DPY19L2: variants seen among roughly 807,000 people sequenced by gnomAD.
The protein encoded by DPY19L2 is probable C-mannosyltransferase DPY19L2.
In DPY19L2, 34 loss-of-function variants were observed where a neutral mutation model predicts 97.9. The ratio of observed to expected loss-of-function variants is 0.35; its 90% CI spans 0.26 to 0.46. The LOEUF (loss-of-function observed/expected upper bound fraction) is 0.46. DPY19L2 is among the 20% of genes least tolerant of loss of function. DPY19L2 has a pLI of 1.00. For synonymous variants in DPY19L2, 230 were observed against 307.9 expected, an observed-to-expected ratio of 0.75 and a Z score of 2.65; for missense variants, 623 against 911.4, an observed-to-expected ratio of 0.68 and a Z score of 4.07.
intron 16 of DPY19L2, among the ~76,000 whole-genome samples, chr12:63,591,960 AG>A (rs1565728106): frequency 9.4e-6 from 1 of 106,078 alleles, no homozygotes; most frequent in African/African-American, 4.0e-5. Flanking sequence ...AGAAAAGAAA[AG>A]AAAAGAAAAG....
chr12:63,594,205 A>T, intron 15 of DPY19L2, 72 bp from the exon 16 acceptor site: 3 of 1,121,966 alleles, frequency 2.7e-6, no homozygotes, highest in Non-Finnish European at 3.8e-6. Context: ...TGATTCATTA[A>T]TATAAACACT....
At chr12:63,590,535 C>T (rs1344670440) in intron 16 of DPY19L2, among the ~76,000 whole-genome samples, 13 of 151,874 alleles carry the variant, frequency 8.6e-5, no homozygotes, top group Admixed American at 7.2e-4. Flanking sequence ...AAGGCAGTCA[C>T]GCATGATGGT....
rs1249109729 is a variant in DPY19L2, at chr12:63,668,131, G to A, written c.263C>T (p.Ser88Phe). ...CACCTTTTCCCGGAGCTGCGCCAGG[G>A]AATTACGGACGAACTGGAAGGGGCC... ...LLGPFQFVRN[S>F]LAQLREKVQE... Residue 88 changes from serine to phenylalanine, a missense_variant, in exon 1 of 22, where the codon TCC becomes TTC. Around this residue, in one of 6 missense-constraint regions of DPY19L2, gnomAD observed 144 missense variants for 119.4 expected, o/e 1.21. Transcript: ENST00000324472. 1.2e-6 allele frequency: 2 copies of A among 1,614,040 alleles called. No individual in the cohort carries two copies. The highest frequency in any genetic ancestry group is 1.3e-5 in the African/African-American group (1 of 75,012).
At chr12:63,602,462 C>A (rs901343937) in intron 12 of DPY19L2, among the ~76,000 whole-genome samples, 3 of 152,038 alleles carry the variant, frequency 2.0e-5, no homozygotes, top group African/African-American at 7.2e-5. Context: ...AAGAAAACCA[C>A]AGCAATGAAT....
At chr12:63,567,983 G>C (rs1878073387) in intron 21 of DPY19L2, among the ~76,000 whole-genome samples, 2 of 151,954 alleles carry the variant, frequency 1.3e-5, no homozygotes, top group South Asian at 2.1e-4. Context: ...GCTTCACTCA[G>C]TTGGATTTGT....
chr12:63,660,336 T>C (rs1465002810), intron 4 of DPY19L2, among the ~76,000 whole-genome samples: 2 of 151,748 alleles, frequency 1.3e-5, no homozygotes, highest in Non-Finnish European at 2.9e-5. Context: ...TAAAGAAATA[T>C]ATATATACAG....
intron 4 of DPY19L2, among the ~76,000 whole-genome samples, chr12:63,652,128 A>C (rs1379669969): frequency 3.9e-5 from 6 of 152,214 alleles, no homozygotes; most frequent in Non-Finnish European, 7.3e-5. Flanking sequence ...GGTGAAGGAC[A>C]TAAACACAAA....
At chr12:63,600,263 C>T in intron 13 of DPY19L2, 43 bp downstream of exon 13, 4 of 1,492,678 alleles carry the variant, frequency 2.7e-6, no homozygotes, top group South Asian at 1.1e-5. Context: ...CATTCAGCTA[C>T]ATATTTATAA....
At chr12:63,632,348 A>AT (rs1212567796) in intron 6 of DPY19L2, among the ~76,000 whole-genome samples, 1 of 152,212 alleles carries the variant, frequency 6.6e-6, no homozygotes, top group African/African-American at 2.4e-5. Flanking sequence ...CCTTAAGCTG[A>AT]TAGGCAACTT....
chr12:63,656,685 T>G (rs1016540167), intron 4 of DPY19L2, among the ~76,000 whole-genome samples: 5 of 152,142 alleles, frequency 3.3e-5, no homozygotes, highest in African/African-American at 1.2e-4. Context: ...TATGCATATA[T>G]TAGAATATTT....
intron 4 of DPY19L2, among the ~76,000 whole-genome samples, chr12:63,649,596 T>C (rs1033207492): frequency 2.4e-4 from 36 of 152,080 alleles, no homozygotes; most frequent in Admixed American, 1.3e-4. Flanking sequence ...GCTAAATTCC[T>C]GGAAATATAT....
intron 6 of DPY19L2, among the ~76,000 whole-genome samples, chr12:63,639,288 G>T (rs1892289238): frequency 6.6e-6 from 1 of 152,010 alleles, no homozygotes; most frequent in South Asian, 2.1e-4. Context: ...CATAGGCATG[G>T]GCAAGGACTT....
intron 19 of DPY19L2, among the ~76,000 whole-genome samples, chr12:63,580,337 A>G (rs1342088806): frequency 2.0e-5 from 3 of 152,132 alleles, no homozygotes; most frequent in African/African-American, 7.2e-5. Context: ...TTGATTTGTC[A>G]TTGTTATGGT....
intron 4 of DPY19L2, among the ~76,000 whole-genome samples, chr12:63,658,203 A>G (rs1398028011): frequency 6.6e-6 from 1 of 151,926 alleles, no homozygotes; most frequent in Non-Finnish European, 1.5e-5. Context: ...TATTACAAAT[A>G]TTTTCTCCTG....
At position 63,631,176 on chromosome 12, in the gene DPY19L2, A is replaced by T. The variant is rs1890560463; in HGVS notation, c.804-4650T>A. ...AAAAGAACTAGAGAAGCAAGAGCAA[A>T]CACATTCAAAAGCTAGCAGAAAGCA... On this transcript the variant is annotated intron_variant, in intron 6 of 21. Coordinates refer to ENST00000324472, the MANE Select transcript of DPY19L2 (RefSeq NM_173812.5). Among the ~76,000 whole-genome samples the T allele has an allele frequency of 1.3e-5, 2 of 152,152 alleles. 1 individual carries two copies. The highest frequency in any genetic ancestry group is 4.1e-4 in the South Asian group (2 of 4,832).
rs564678127 is a variant in DPY19L2, at chr12:63,610,777, T to C, written c.1219-2102A>G. Among the ~76,000 whole-genome samples the C allele has an allele frequency of 3.7e-5, 5 of 134,226 alleles. No individual in the cohort carries two copies. The South Asian group carries it at 1.2e-3, about 32-fold the overall frequency. The allele number at this position is 134,226 out of a possible 152,430, so 88.1% of individuals were successfully genotyped here. Reference sequence around the variant, plus strand: ...ACATTTTATGAGGCCAGCATTACTCTGATACCAAATCCAGAAAAAGATACT... The same window carrying C: ...ACATTTTATGAGGCCAGCATTACTCCGATACCAAATCCAGAAAAAGATACT... On this transcript the variant is annotated intron_variant, in intron 11 of 21. Transcript: ENST00000324472.
In DPY19L2 at chr12:63,568,847, T is replaced by G. The variant is rs190167742; in HGVS notation, c.2126+377A>C. Among the ~76,000 whole-genome samples the G allele has an allele frequency of 6.4e-3, 972 of 152,176 alleles. 15 individuals are homozygous for G. Among genetic ancestry groups the G allele is most frequent in the African/African-American group, 0.021 (893 of 41,540 alleles). ...CATTTTGGGTTTTGTCACTTTTCTTTTAAGTCTTACAAATCCAATATAATT... is the reference window on the plus strand; with the variant it reads ...CATTTTGGGTTTTGTCACTTTTCTTGTAAGTCTTACAAATCCAATATAATT... On this transcript the variant is annotated intron_variant, in intron 21 of 21. Transcript: ENST00000324472.
At chr12:63,650,620 A>T (rs957851153) in intron 4 of DPY19L2, among the ~76,000 whole-genome samples, 1 of 152,204 alleles carries the variant, frequency 6.6e-6, no homozygotes, top group Non-Finnish European at 1.5e-5. Flanking sequence ...ATACCTAGGA[A>T]TACAGCTAAT....
intron 8 of DPY19L2, among the ~76,000 whole-genome samples, chr12:63,621,674 A>G (rs1197167907): frequency 1.3e-5 from 2 of 152,316 alleles, no homozygotes; most frequent in East Asian, 3.9e-4. Context: ...GCCCCTGCAC[A>G]CCTCAACATG....
Sources: allele counts gnomAD v4.1 joint callset (sites outside exome capture counted in the v4.1 genomes callset), GRCh38; gene constraint gnomAD v4.1.1; regional missense constraint gnomAD v4.1.1; transcripts MANE v1.5; gene names NCBI Gene and HGNC (gene_info 2026-07-23, HGNC 2026-07-21).